The following CCDC57 variants were observed in gnomAD, a reference collection of about 807,000 sequenced individuals.
CCDC57 encodes coiled-coil domain-containing protein 57.
A neutral mutation model predicts 118.9 loss-of-function variants in CCDC57; 118 were observed. The ratio of observed to expected loss-of-function variants is 0.99; its 90% CI spans 0.86 to 1.16. CCDC57 has a LOEUF of 1.16. CCDC57 is among the 50% of genes most tolerant of loss of function. CCDC57 has a pLI of 0.00. For missense variants in CCDC57, 1,300 were observed against 1,320.7 expected (o/e 0.98, Z 0.24); for synonymous variants, 527 against 532.9 (o/e 0.99, Z 0.15).
intron 19 of CCDC57, chr17:82,107,427 A>G (rs1422214447): frequency 2.1e-6 from 1 of 469,184 alleles, no homozygotes; most frequent in Non-Finnish European, 4.4e-6. Flanking sequence ...GTCACCCTCC[A>G]TGGCGTCTCT....
intron 19 of CCDC57, chr17:82,107,766 C>A: frequency 2.7e-6 from 1 of 374,036 alleles, no homozygotes. Context: ...CGTGGACCGG[C>A]GTCCACCTGA....
chr17:82,169,374 C>A (rs1241654405), intron 13 of CCDC57, among the ~76,000 whole-genome samples: 6 of 152,198 alleles, frequency 3.9e-5, no homozygotes, highest in African/African-American at 1.4e-4. Context: ...GGTGATCCAC[C>A]CACCTCGGCC....
rs188324702 is a variant in CCDC57 at position 82,142,890 on chromosome 17, G to A, written c.2455+8670C>T. Reference sequence around the variant, plus strand: ...TAGAAAAACAGCCCACACTGGCCGGGTACGTGGCTCACGCCTGTAATCCCA... The same window carrying A: ...TAGAAAAACAGCCCACACTGGCCGGATACGTGGCTCACGCCTGTAATCCCA... On this transcript the variant is annotated intron_variant, in intron 16 of 19. Coordinates refer to ENST00000665763, the Ensembl canonical transcript of CCDC57. Among the ~76,000 whole-genome samples, 921 of 152,126 alleles carry A rather than the reference G, an allele frequency of 6.1e-3. 7 individuals carry two copies. The highest frequency in any genetic ancestry group is 8.3e-3 in the Non-Finnish European group (564 of 67,978).
rs549212477 is a variant in CCDC57 at position 82,201,704 on chromosome 17, C to A, written c.241G>T (p.Ala81Ser). ...CGCCTGGCCTCTTCCCACTCCCTGG[C>A]CTGGGCGAAGGCGGCGTCATAGCGC... The change falls in exon 3 of 20, where the codon GCC (alanine) becomes TCC (serine). Residue 81 changes from alanine (A) to serine (S), a missense_variant. By Grantham distance (99) the Ala-to-Ser change is moderately conservative. Coordinates refer to ENST00000665763, the Ensembl canonical transcript of CCDC57. 353 of 1,613,956 alleles carry A rather than the reference C, an allele frequency of 2.2e-4. 1 individual carries two copies. The highest frequency in any genetic ancestry group is 3.0e-4 in the Admixed American group (18 of 60,024).
At chr17:82,113,766 C>A in intron 19 of CCDC57, 1 of 664,408 alleles carries the variant, frequency 1.5e-6, no homozygotes, top group Non-Finnish European at 2.7e-6. Context: ...GACCCCATTT[C>A]TACAAAAAAA....
intron 11 of CCDC57, among the ~76,000 whole-genome samples, chr17:82,176,059 A>T (rs1209656679): frequency 6.6e-6 from 1 of 152,220 alleles, no homozygotes; most frequent in Non-Finnish European, 1.5e-5. Flanking sequence ...GACATAATGT[A>T]AAAGAGTCTT....
chr17:82,104,007 G>A (rs539410404), intron 19 of CCDC57, among the ~76,000 whole-genome samples: 89 of 152,356 alleles, frequency 5.8e-4, no homozygotes, highest in African/African-American at 2.1e-3. Flanking sequence ...CAGGGCAGCG[G>A]ACAGCCCCAG....
At chr17:82,184,027 G>GCT in intron 8 of CCDC57, 95 bp from the exon 8 acceptor site, 3 of 325,782 alleles carry the variant, frequency 9.2e-6, no homozygotes, top group Non-Finnish European at 1.1e-5. Flanking sequence ...GCGCGCGCGC[G>GCT]CGCGCACACA....
chr17:82,127,935 GC>G, intron 18 of CCDC57, 27 bp from the exon 18 acceptor site: 1 of 1,609,450 alleles, frequency 6.2e-7, no homozygotes, highest in Non-Finnish European at 8.5e-7. Context: ...CGTCTTGAAA[GC>G]CACCCTCTCC....
At chr17:82,169,425 G>A (rs1405576846) in intron 13 of CCDC57, among the ~76,000 whole-genome samples, 4 of 152,272 alleles carry the variant, frequency 2.6e-5, no homozygotes, top group South Asian at 2.1e-4. Flanking sequence ...CACTGCGCCC[G>A]GCAAAAACCT....
intron 17 of CCDC57, among the ~76,000 whole-genome samples, chr17:82,131,851 T>C (rs546508165): frequency 3.6e-4 from 55 of 151,734 alleles, no homozygotes; most frequent in African/African-American, 1.3e-3. Flanking sequence ...AGTTATTTCT[T>C]ATGCCTGTAA....
chr17:82,145,593 A>C (rs887917314), intron 16 of CCDC57, among the ~76,000 whole-genome samples: 1 of 152,246 alleles, frequency 6.6e-6, no homozygotes, highest in East Asian at 1.9e-4. Flanking sequence ...ACAACATTTT[A>C]AGGAATCCCA....
At chr17:82,135,698 C>A (rs2039055550) in intron 16 of CCDC57, among the ~76,000 whole-genome samples, 1 of 152,062 alleles carries the variant, frequency 6.6e-6, no homozygotes. Flanking sequence ...CATTGGTCAC[C>A]AGGAGAATGT....
At chr17:82,185,768 C>T (rs986182485) in intron 8 of CCDC57, among the ~76,000 whole-genome samples, 3 of 152,002 alleles carry the variant, frequency 2.0e-5, no homozygotes, top group Non-Finnish European at 2.9e-5. Flanking sequence ...ATAATCCCAG[C>T]ACTTTGGGAG....
Position 82,174,357 on chromosome 17 carries a change from G to A in CCDC57, c.1507-1497C>T, listed in dbSNP as rs145851901. ...GGCAGTTTAGAAACGGAGACAGTGC[G>A]ATGCCTAACCCTGTTTTTACTCTAA... On this transcript the variant is annotated intron_variant, in intron 11 of 19. Transcript: ENST00000665763. 2.7e-4 allele frequency among the ~76,000 whole-genome samples: 41 copies of A among 152,350 alleles called. No homozygotes were observed. In the East Asian group the frequency reaches 7.3e-3, roughly 27 times the overall value.
chr17:82,102,618 C>T (rs140860350), intron 19 of CCDC57, among the ~76,000 whole-genome samples: 2,614 of 152,206 alleles, frequency 0.017, 81 homozygotes, highest in African/African-American at 0.061. Flanking sequence ...CTTGGTGGCT[C>T]ACGTCTGTAA....
Position 82,184,041 on chromosome 17 carries a change from A to T in CCDC57, c.1053-109T>A. The T allele has an allele frequency of 1.5e-5, 7 of 474,384 alleles. 1 individual carries two copies. Among genetic ancestry groups the T allele is most frequent in the Non-Finnish European group, 2.7e-5 (7 of 261,614 alleles). 29.4% of individuals were successfully genotyped at this position (474,384 alleles called of 1,614,324 possible). A position where few individuals can be genotyped will look rare whatever the true frequency, so the allele number is the denominator to read the frequency against. On this transcript the variant is annotated intron_variant, in intron 8 of 19. Coordinates refer to ENST00000665763, the Ensembl canonical transcript of CCDC57. ...TGCGCGCGCGCGCGCGCACACACACACACACACACACACACACACACACAC... is the reference window on the plus strand; with the variant it reads ...TGCGCGCGCGCGCGCGCACACACACTCACACACACACACACACACACACAC...
chr17:82,139,390 T>C (rs2039717257), intron 16 of CCDC57, among the ~76,000 whole-genome samples: 1 of 152,186 alleles, frequency 6.6e-6, no homozygotes, highest in Non-Finnish European at 1.5e-5. Context: ...CAAAGAAGAC[T>C]CCTGACCCAG....
exon 16 of CCDC57, chr17:82,151,772 C>T: frequency 1.3e-6 from 2 of 1,549,416 alleles, no homozygotes; most frequent in African/African-American, 2.7e-5. Context: ...CTTGGTGAGG[C>T]CCTGTAACAA....
Sources: allele counts gnomAD v4.1 joint callset (sites outside exome capture counted in the v4.1 genomes callset), GRCh38; gene constraint gnomAD v4.1.1; transcripts MANE v1.5; gene names NCBI Gene and HGNC (gene_info 2026-07-23, HGNC 2026-07-21).